Variants in DENND5B observed in about 807,000 individuals in gnomAD.
The protein encoded by DENND5B is DENN domain-containing protein 5B.
Under a neutral mutation model 140.6 loss-of-function variants are expected in DENND5B, and 34 were observed. The observed-to-expected ratio is 0.24, with a 90% CI of 0.18 to 0.32. The LOEUF is 0.32. Ranked by LOEUF, DENND5B falls within the 10% of genes least tolerant of loss-of-function variation. The pLI, the probability that DENND5B is intolerant of heterozygous loss-of-function variation, is 1.00. For missense variants in DENND5B, 1,142 were observed against 1,560.2 expected, an observed-to-expected ratio of 0.73 and a Z score of 4.52; for synonymous variants, 551 against 562.1, an observed-to-expected ratio of 0.98 and a Z score of 0.28.
intron 11 of DENND5B, among the ~76,000 whole-genome samples, chr12:31,420,465 A>G (rs1175368808): frequency 6.8e-6 from 1 of 147,092 alleles, no homozygotes; most frequent in Non-Finnish European, 1.5e-5. Flanking sequence ...TTTTTTTGAG[A>G]CAGCATCTTG....
intron 1 of DENND5B, among the ~76,000 whole-genome samples, chr12:31,525,664 A>G (rs1948060894): frequency 6.6e-6 from 1 of 152,156 alleles, no homozygotes; most frequent in South Asian, 2.1e-4. Context: ...TTTGATATGT[A>G]TACGTTAATA....
chr12:31,499,418 T>G (rs562658757), intron 1 of DENND5B, among the ~76,000 whole-genome samples: 1 of 152,176 alleles, frequency 6.6e-6, no homozygotes, highest in African/African-American at 2.4e-5. Context: ...ACTGAATACA[T>G]GTTTTCAAGG....
chr12:31,401,722 C>T lies in DENND5B; in HGVS notation c.2949+776G>A, dbSNP rs193236772. Among the ~76,000 whole-genome samples, 16 of 152,238 alleles carry T rather than the reference C, an allele frequency of 1.1e-4. 1 individual carries two copies. In the East Asian group the frequency reaches 1.5e-3, roughly 15 times the overall value. On this transcript the variant is annotated intron_variant, in intron 15 of 20. Coordinates refer to ENST00000389082, the MANE Select transcript of DENND5B (RefSeq NM_144973.4). ...CCTGGCTCACTGCAACCTCTGTCTC[C>T]TGGGCTCAAGTGACCTCAGCCTTGC...
At chr12:31,407,334 TTGGTCAGGC>T (rs2137489342) in intron 14 of DENND5B, among the ~76,000 whole-genome samples, 1 of 152,188 alleles carries the variant, frequency 6.6e-6, no homozygotes, top group East Asian at 1.9e-4. Context: ...TTTCACCATG[TTGGTCAGGC>T]TGGTCTCTAA....
chr12:31,396,003 G>C (rs951736386), intron 17 of DENND5B, among the ~76,000 whole-genome samples: 1 of 148,362 alleles, frequency 6.7e-6, no homozygotes, highest in Admixed American at 6.7e-5. Flanking sequence ...GAAATTCTAG[G>C]GGAAAATCCC....
At chr12:31,419,392 G>C (rs898958422) in intron 11 of DENND5B, among the ~76,000 whole-genome samples, 10 of 149,880 alleles carry the variant, frequency 6.7e-5, no homozygotes, top group Admixed American at 1.3e-4. Flanking sequence ...GCAGTGGGCC[G>C]AAATCATGCC....
Position 31,417,315 on chromosome 12 carries a change from C to G in DENND5B, c.2471-1867G>C, listed in dbSNP as rs185118039. Among the ~76,000 whole-genome samples, 585 of 146,946 alleles carry G rather than the reference C, an allele frequency of 4.0e-3. 4 individuals are homozygous for G. The highest frequency in any genetic ancestry group is 0.014 in the African/African-American group (532 of 39,378). ...GAGTTTGCAGTGAGCCAAGATCATG[C>G]CACTGCACTCCAGCCTGGGTGACAG... On this transcript the variant is annotated intron_variant, in intron 11 of 20. Coordinates refer to ENST00000389082, the MANE Select transcript of DENND5B (RefSeq NM_144973.4).
chr12:31,402,470 T>G, intron 15 of DENND5B, 28 bp downstream of exon 15: 1 of 1,597,296 alleles, frequency 6.3e-7, no homozygotes, highest in Non-Finnish European at 8.5e-7. Flanking sequence ...TGATACATTC[T>G]TCTAGGAAAG....
intron 1 of DENND5B, among the ~76,000 whole-genome samples, chr12:31,516,431 C>T (rs1219914964): frequency 6.7e-6 from 1 of 148,278 alleles, no homozygotes; most frequent in Non-Finnish European, 1.5e-5. Flanking sequence ...GAGCTGTGAT[C>T]ACGCCACTCC....
rs556801741 is a variant in DENND5B at position 31,419,966 on chromosome 12, T to G, written c.2470+3631A>C. The G allele has an allele frequency of 2.9e-4, 252 of 858,198 alleles. 2 individuals are homozygous for G. In the African/African-American group the frequency reaches 6.7e-3, roughly 23 times the overall value. The allele number at this position is 858,198 out of a possible 1,614,324, so 53.2% of individuals were successfully genotyped here. ...CTAGCCTGGGCAACAAGAGCGAAAC[T>G]CCATCTCAGAAAAAAAAAAAAAAAA... On this transcript the variant is annotated intron_variant, in intron 11 of 20. Transcript: ENST00000389082.
intron 2 of DENND5B, among the ~76,000 whole-genome samples, chr12:31,490,938 T>G (rs895881613): frequency 6.6e-6 from 1 of 152,208 alleles, no homozygotes; most frequent in African/African-American, 2.4e-5. Flanking sequence ...CTAAAATATA[T>G]TTATGATGTT....
chr12:31,422,263 CAAA>C (rs745781782), intron 11 of DENND5B, among the ~76,000 whole-genome samples: 2,934 of 45,610 alleles, frequency 0.064, 59 homozygotes, highest in East Asian at 0.17. Flanking sequence ...ACTAAAAATC[CAAA>C]AAAAAAAAAA....
At chr12:31,577,451 C>T (rs1460710472) in intron 1 of DENND5B, among the ~76,000 whole-genome samples, 2 of 152,110 alleles carry the variant, frequency 1.3e-5, no homozygotes, top group East Asian at 3.8e-4. Flanking sequence ...TGGCTCACGC[C>T]TGTAATCCCA....
At chr12:31,495,995 C>A in intron 1 of DENND5B, 76 bp from the exon 2 acceptor site, 1 of 986,946 alleles carries the variant, frequency 1.0e-6, no homozygotes. Context: ...ATTTTATAGT[C>A]CTACTACTGA....
intron 1 of DENND5B, among the ~76,000 whole-genome samples, chr12:31,529,058 A>C (rs1390963785): frequency 2.6e-5 from 4 of 151,626 alleles, no homozygotes; most frequent in Non-Finnish European, 1.5e-5. Flanking sequence ...GCTACTCAGG[A>C]AGCTAAGGTA....
rs557443032 is a variant in DENND5B at position 31,561,217 on chromosome 12, C to T, written c.127+29489G>A. ...TACTCATGTACGCATCTCAAGGGGGCAAAGCCCGCAATTTAAAGCACAGCA... is the reference window on the plus strand; with the variant it reads ...TACTCATGTACGCATCTCAAGGGGGTAAAGCCCGCAATTTAAAGCACAGCA... On this transcript the variant is annotated intron_variant, in intron 1 of 20. Transcript: ENST00000389082. Among the ~76,000 whole-genome samples, 3 of 152,276 alleles carry T rather than the reference C, an allele frequency of 2.0e-5. No homozygotes were observed. The East Asian group carries it at 5.8e-4, about 29-fold the overall frequency.
chr12:31,396,317 A>G (rs1352135061), intron 17 of DENND5B: 2 of 150,498 alleles, frequency 1.3e-5, no homozygotes, highest in African/African-American at 4.9e-5. Flanking sequence ...TGATCCACCC[A>G]CCTCAGCATA....
At chr12:31,461,242 T>C (rs765759422) in intron 3 of DENND5B, among the ~76,000 whole-genome samples, 8 of 152,180 alleles carry the variant, frequency 5.3e-5, no homozygotes, top group African/African-American at 7.2e-5. Context: ...TATTTTAGCC[T>C]TTATTTTGGG....
intron 6 of DENND5B, 104 bp from the exon 7 acceptor site, chr12:31,443,029 A>C (rs1944108468): frequency 9.7e-7 from 1 of 1,033,142 alleles, no homozygotes; most frequent in Non-Finnish European, 1.4e-6. Context: ...TCACTCTGAC[A>C]CTCTGAAACA....
Sources: gnomAD v4.1 joint callset for allele counts (sites outside exome capture counted in the v4.1 genomes callset) on GRCh38, gnomAD v4.1.1 for gene constraint, MANE v1.5 for transcripts, NCBI Gene and HGNC (gene_info 2026-07-23, HGNC 2026-07-21) for gene names.